The following SPAG16 variants were observed in gnomAD, a reference collection of about 807,000 sequenced individuals.
SPAG16 encodes the protein sperm associated antigen 16, also known as sperm-associated antigen 16 protein.
In SPAG16, 86 loss-of-function variants were observed where a neutral mutation model predicts 80.4. The ratio of observed to expected loss-of-function variants is 1.07; its 90% CI spans 0.90 to 1.28. SPAG16 has a LOEUF of 1.28. SPAG16 is among the 50% of genes most tolerant of loss of function. The pLI, the probability that SPAG16 is intolerant of heterozygous loss-of-function variation, is 0.00. For synonymous variants in SPAG16, 294 were observed against 265.9 expected (o/e 1.11, Z -1.03); for missense variants, 870 against 765.3 (o/e 1.14, Z -1.61).
chr2:214,270,016 T>A (rs1691879648), intron 15 of SPAG16, among the ~76,000 whole-genome samples: 1 of 152,182 alleles, frequency 6.6e-6, no homozygotes, highest in South Asian at 2.1e-4. Flanking sequence ...TTAGGTCCGT[T>A]ATTATCAATA....
intron 15 of SPAG16, chr2:214,241,172 G>C (rs1054347955): frequency 6.6e-6 from 1 of 152,130 alleles, no homozygotes. Context: ...GGGCAACACA[G>C]TGAAACTCTG....
rs116493049 is a variant in SPAG16, at chr2:213,506,844, T to C, written c.1070+16754T>C. On this transcript the variant is annotated intron_variant, in intron 10 of 15. Transcript: ENST00000331683. ...TAAAGATATTACCAAATACCTGATC[T>C]TAACTGTTTTCTGTCTTTTGTATCA... Among the ~76,000 whole-genome samples the C allele has an allele frequency of 3.1e-3, 465 of 152,372 alleles. 2 individuals carry two copies. The highest frequency in any genetic ancestry group is 0.01 in the African/African-American group (432 of 41,586).
intron 10 of SPAG16, among the ~76,000 whole-genome samples, chr2:213,764,634 A>G (rs893687233): frequency 1.1e-4 from 17 of 152,270 alleles, no homozygotes; most frequent in African/African-American, 4.1e-4. Context: ...CTCCGAATTC[A>G]GTTCTGGTGT....
At chr2:214,334,441 A>G (rs1697141675) in intron 15 of SPAG16, among the ~76,000 whole-genome samples, 1 of 152,192 alleles carries the variant, frequency 6.6e-6, no homozygotes, top group Non-Finnish European at 1.5e-5. Context: ...TTTGGATCCC[A>G]ATTTTCCTTC....
At chr2:213,335,368 T>C (rs1052481194) in intron 5 of SPAG16, among the ~76,000 whole-genome samples, 7 of 152,228 alleles carry the variant, frequency 4.6e-5, no homozygotes, top group African/African-American at 1.7e-4. Context: ...TAAATTGCAC[T>C]ATCTTTTTTG....
intron 11 of SPAG16, among the ~76,000 whole-genome samples, chr2:213,928,192 T>C (rs2078578483): frequency 6.6e-6 from 1 of 151,888 alleles, no homozygotes; most frequent in Non-Finnish European, 1.5e-5. Context: ...TTCAAGTGAT[T>C]TCCTGCCTCA....
intron 7 of SPAG16, among the ~76,000 whole-genome samples, chr2:213,355,391 C>T (rs547272761): frequency 7.6e-4 from 116 of 151,898 alleles, no homozygotes; most frequent in African/African-American, 2.6e-3. Context: ...TTTTCTCTAA[C>T]TCTGTGAAGA....
chr2:214,216,363 C>T (rs888426215), intron 15 of SPAG16, among the ~76,000 whole-genome samples: 9 of 152,106 alleles, frequency 5.9e-5, no homozygotes, highest in African/African-American at 2.2e-4. Flanking sequence ...TGCTCTGTCG[C>T]CAGGCTGGAA....
intron 10 of SPAG16, among the ~76,000 whole-genome samples, chr2:213,823,310 T>A (rs1053642011): frequency 3.3e-5 from 5 of 152,196 alleles, no homozygotes; most frequent in African/African-American, 1.2e-4. Context: ...TGATTTGCAT[T>A]TCTCTGATGA....
chr2:214,163,643 GAGAGAGAGAA>G (rs1326354302), intron 15 of SPAG16, among the ~76,000 whole-genome samples: 8 of 150,594 alleles, frequency 5.3e-5, no homozygotes, highest in Non-Finnish European at 3.0e-5. Context: ...TATATAGAGA[GAGAGAGAGAA>G]AGAGAGAGAG....
intron 15 of SPAG16, among the ~76,000 whole-genome samples, chr2:214,352,654 TAA>T (rs1424263337): frequency 6.6e-6 from 1 of 151,584 alleles, no homozygotes; most frequent in Admixed American, 6.6e-5. Context: ...AGCATCTGCC[TAA>T]GTTTTTACTT....
intron 15 of SPAG16, among the ~76,000 whole-genome samples, chr2:214,359,413 A>G (rs1006807330): frequency 1.3e-5 from 2 of 151,932 alleles, no homozygotes; most frequent in Non-Finnish European, 2.9e-5. Flanking sequence ...TTTACTTGAC[A>G]AAACAACAAC....
At chr2:214,402,626 T>C (rs1031781353) in intron 15 of SPAG16, among the ~76,000 whole-genome samples, 2 of 151,986 alleles carry the variant, frequency 1.3e-5, no homozygotes, top group African/African-American at 4.8e-5. Context: ...TTGTTTCCCC[T>C]ATATCAAAAA....
At chr2:213,890,053 C>G (rs1382128389) in intron 11 of SPAG16, among the ~76,000 whole-genome samples, 2 of 151,830 alleles carry the variant, frequency 1.3e-5, no homozygotes, top group African/African-American at 4.8e-5. Context: ...TTGTAGTTAC[C>G]TTTATGAAAG....
At chr2:214,238,837 C>T (rs1689256370) in intron 15 of SPAG16, 1 of 151,966 alleles carries the variant, frequency 6.6e-6, no homozygotes, top group Non-Finnish European at 1.5e-5. Context: ...ATCTGCACTA[C>T]ATTTTTTAGG....
At chr2:213,849,159 G>A (rs912356957) in intron 10 of SPAG16, among the ~76,000 whole-genome samples, 2 of 152,144 alleles carry the variant, frequency 1.3e-5, no homozygotes, top group Non-Finnish European at 2.9e-5. Context: ...GGGTGACAGA[G>A]AGCCAGCTTA....
intron 15 of SPAG16, among the ~76,000 whole-genome samples, chr2:214,157,403 T>A (rs2056263418): frequency 6.6e-6 from 1 of 152,162 alleles, no homozygotes; most frequent in Non-Finnish European, 1.5e-5. Context: ...TTATGCTTTA[T>A]CTGGAAATTT....
At chr2:213,359,766 C>G (rs1559452618) in intron 7 of SPAG16, among the ~76,000 whole-genome samples, 1 of 152,164 alleles carries the variant, frequency 6.6e-6, no homozygotes, top group Non-Finnish European at 1.5e-5. Flanking sequence ...TCAGCTTGCC[C>G]TCCGTGGGCT....
chr2:213,960,562 A>G (rs937626804), intron 12 of SPAG16, among the ~76,000 whole-genome samples: 22 of 151,862 alleles, frequency 1.4e-4, no homozygotes, highest in African/African-American at 5.3e-4. Context: ...ATTTTGGTTT[A>G]TTGTTTTTGT....
Sources: allele counts gnomAD v4.1 joint callset (sites outside exome capture counted in the v4.1 genomes callset), GRCh38; gene constraint gnomAD v4.1.1; transcripts MANE v1.5; gene names NCBI Gene and HGNC (gene_info 2026-07-23, HGNC 2026-07-21).